SLC17A5: variants seen among roughly 807,000 people sequenced by gnomAD.
The protein encoded by SLC17A5 is solute carrier family 17 member 5.
In SLC17A5, 47 loss-of-function variants were observed where a neutral mutation model predicts 59.4. The ratio of observed to expected loss-of-function variants is 0.79; its 90% CI spans 0.63 to 1.01. The LOEUF (loss-of-function observed/expected upper bound fraction) is 1.01, where lower values mean the gene tolerates loss of function less well. Among genes scored for constraint, SLC17A5 ranks in the 50% least tolerant of loss-of-function variants. The pLI is 0.00. For missense variants in SLC17A5, 522 were observed against 595.5 expected, an observed-to-expected ratio of 0.88 and a Z score of 1.28; for synonymous variants, 202 against 210.7, an observed-to-expected ratio of 0.96 and a Z score of 0.36.
intron 7 of SLC17A5, among the ~76,000 whole-genome samples, chr6:73,620,208 C>T (rs999551017): frequency 3.3e-5 from 5 of 152,140 alleles, no homozygotes; most frequent in Admixed American, 2.0e-4. Flanking sequence ...CAGGTGTGAA[C>T]CACTGGGCCC....
intron 9 of SLC17A5, among the ~76,000 whole-genome samples, chr6:73,605,630 A>AACACACACACACACACAC (rs3045763): frequency 4.8e-5 from 7 of 145,956 alleles, no homozygotes; most frequent in East Asian, 4.1e-4. Context: ...GCAAGGTTTA[A>AACACACACACACACACAC]ACACACACAC....
chr6:73,610,566 A>T lies in SLC17A5; in HGVS notation c.1112-19T>A. On this transcript the variant is annotated intron_variant, in intron 8 of 10. Coordinates refer to ENST00000355773, the MANE Select transcript of SLC17A5 (RefSeq NM_012434.5). ...ATCATTCCTGGAGTTAAAAAGTTAT[A>T]AAAGGGAAAAAACACCCAGCATTAA... 1.2e-6 allele frequency: 2 copies of T among 1,613,554 alleles called. No homozygotes were observed. The highest frequency in any genetic ancestry group is 1.7e-6 in the Non-Finnish European group (2 of 1,179,606).
At chr6:73,617,066 G>T (rs974719428) in intron 7 of SLC17A5, among the ~76,000 whole-genome samples, 3 of 151,374 alleles carry the variant, frequency 2.0e-5, no homozygotes, top group African/African-American at 7.3e-5. Flanking sequence ...CGCGGAGGAA[G>T]AATCACTTGA....
chr6:73,635,557 A>C (rs1251615909), intron 5 of SLC17A5, 57 bp from the exon 6 acceptor site: 3 of 869,060 alleles, frequency 3.5e-6, no homozygotes, highest in Non-Finnish European at 5.3e-6. Flanking sequence ...TAACAAACAA[A>C]ACAAAACAAA....
chr6:73,608,937 T>G (rs576385658), intron 9 of SLC17A5, among the ~76,000 whole-genome samples: 6 of 152,152 alleles, frequency 3.9e-5, no homozygotes, highest in Non-Finnish European at 7.3e-5. Context: ...GAAGGATTAC[T>G]TGATCCCAGG....
intron 1 of SLC17A5, chr6:73,653,101 C>T (rs1454674608): frequency 2.0e-6 from 2 of 985,322 alleles, no homozygotes; most frequent in Non-Finnish European, 2.4e-6. Flanking sequence ...CTTTTCCTAA[C>T]TTAAATCATA....
rs1768167051 is a variant in SLC17A5, at chr6:73,621,844, G to A, written c.938C>T (p.Pro313Leu). Residue 313 changes from proline (P) to leucine (L), a missense_variant, in exon 7 of 11, where the codon CCT becomes CTT. Physicochemically the swap from Pro to Leu is moderately conservative, Grantham distance 98. Transcript: ENST00000355773. ...WTFYTLLTLL[P>L]TYMKEILRFN... ...CCTTAGGATCTCCTTCATATAAGTA[G>A]GCAATAATGTCAATAAAGTATAAAA... 1 of 1,612,656 alleles carries A rather than the reference G, an allele frequency of 6.2e-7. No homozygotes were observed. The highest frequency in any genetic ancestry group is 1.1e-5 in the South Asian group (1 of 91,050).
At chr6:73,608,512 G>A (rs1767497923) in intron 9 of SLC17A5, among the ~76,000 whole-genome samples, 1 of 152,138 alleles carries the variant, frequency 6.6e-6, no homozygotes, top group Admixed American at 6.6e-5. Context: ...ATATTAGTAG[G>A]CAGCTGGATA....
intron 6 of SLC17A5, among the ~76,000 whole-genome samples, chr6:73,626,088 C>G (rs542226835): frequency 6.6e-6 from 1 of 152,154 alleles, no homozygotes; most frequent in African/African-American, 2.4e-5. Flanking sequence ...TATTTGATCT[C>G]TGAAAACTGA....
At chr6:73,598,176 C>T (rs2351118) in intron 10 of SLC17A5, among the ~76,000 whole-genome samples, 31,142 of 152,190 alleles carry the variant, frequency 0.2, 4,260 homozygotes, top group Non-Finnish European at 0.3. Context: ...AAGTCTCACA[C>T]AGCTCCTAGT....
intron 6 of SLC17A5, among the ~76,000 whole-genome samples, chr6:73,631,885 C>CA (rs10717606): frequency 8.4e-4 from 125 of 149,320 alleles, no homozygotes; most frequent in Admixed American, 1.1e-3. Context: ...AGTAAAGTTT[C>CA]AAAAAAAAAT....
At chr6:73,638,917 A>C (rs1769151112) in intron 3 of SLC17A5, among the ~76,000 whole-genome samples, 1 of 152,238 alleles carries the variant, frequency 6.6e-6, no homozygotes, top group Non-Finnish European at 1.5e-5. Flanking sequence ...GAGGACATAA[A>C]GGGATCTTGC....
chr6:73,615,125 C>T (rs145090062), intron 8 of SLC17A5, among the ~76,000 whole-genome samples, 190 bp downstream of exon 8: 3 of 152,224 alleles, frequency 2.0e-5, no homozygotes, highest in East Asian at 1.9e-4. Context: ...AGCTGGTGTC[C>T]GCTGCAGAAC....
chr6:73,609,216 C>T (rs1318224108), intron 9 of SLC17A5, among the ~76,000 whole-genome samples: 4 of 152,114 alleles, frequency 2.6e-5, no homozygotes, highest in Non-Finnish European at 4.4e-5. Flanking sequence ...ACATAGCTCC[C>T]TTATTTACCT....
intron 1 of SLC17A5, among the ~76,000 whole-genome samples, chr6:73,647,258 A>G (rs1176122382): frequency 2.6e-5 from 4 of 152,242 alleles, no homozygotes; most frequent in Non-Finnish European, 4.4e-5. Flanking sequence ...TGGAGACTAT[A>G]GAAAGGAGAA....
At chr6:73,653,448 C>G in intron 1 of SLC17A5, 1 of 985,402 alleles carries the variant, frequency 1.0e-6, no homozygotes, top group South Asian at 4.7e-5. Flanking sequence ...GGGTCCCTTG[C>G]TCAGCACTAC....
In SLC17A5 at chr6:73,653,942, G is replaced by T. The variant is rs886061736; in HGVS notation, c.-56C>A. On this transcript the variant is annotated 5_prime_UTR_variant, in exon 1 of 11. Coordinates refer to ENST00000355773, the MANE Select transcript of SLC17A5 (RefSeq NM_012434.5). ...CTGGCAGAGAAGGGAGCGCCGGCCCGACAGCCCGAAGCCCCCGGGCCGAGC... is the reference window on the plus strand; with the variant it reads ...CTGGCAGAGAAGGGAGCGCCGGCCCTACAGCCCGAAGCCCCCGGGCCGAGC... 1 of 1,476,432 alleles carries T rather than the reference G, an allele frequency of 6.8e-7. No individual in the cohort carries two copies. Among genetic ancestry groups the T allele is most frequent in the East Asian group, 2.5e-5 (1 of 40,544 alleles). The allele number at this position is 1,476,432 out of a possible 1,614,324, so 91.5% of individuals were successfully genotyped here. A position where few individuals can be genotyped will look rare whatever the true frequency, so the allele number is the denominator to read the frequency against.
At chr6:73,631,231 A>G (rs1346034877) in intron 6 of SLC17A5, among the ~76,000 whole-genome samples, 2 of 149,632 alleles carry the variant, frequency 1.3e-5, no homozygotes, top group Non-Finnish European at 3.0e-5. Context: ...ACTGCATGAC[A>G]GTCCGGGAGA....
At chr6:73,621,998 C>T in intron 6 of SLC17A5, 36 bp from the exon 7 acceptor site, 1 of 1,599,234 alleles carries the variant, frequency 6.3e-7, no homozygotes, top group Non-Finnish European at 8.6e-7. Context: ...TAAACTACGG[C>T]TATGTTAATG....
Sources: allele counts gnomAD v4.1 joint callset (sites outside exome capture counted in the v4.1 genomes callset), GRCh38; gene constraint gnomAD v4.1.1; transcripts MANE v1.5; gene names NCBI Gene and HGNC (gene_info 2026-07-23, HGNC 2026-07-21).